CELF2: variants seen among roughly 807,000 people sequenced by gnomAD.
CELF2 encodes the protein CUGBP Elav-like family member 2, also known as CUG triplet repeat RNA-binding protein 2.
A neutral mutation model predicts 62.6 loss-of-function variants in CELF2; 8 were observed. The ratio of observed to expected loss-of-function variants is 0.13; its 90% CI spans 0.07 to 0.23. The LOEUF (loss-of-function observed/expected upper bound fraction) is 0.23. Among genes scored for constraint, CELF2 ranks in the 10% least tolerant of loss-of-function variants. The pLI is 1.00. For synonymous variants in CELF2, 258 were observed against 250.0 expected (o/e 1.03, Z -0.30); for missense variants, 333 against 671.0 (o/e 0.50, Z 5.56).
chr10:11,018,234 C>CG, intron 1 of CELF2, 71 bp downstream of exon 1: 1 of 1,325,966 alleles, frequency 7.5e-7, no homozygotes, highest in Non-Finnish European at 1.0e-6. Flanking sequence ...GCGAAGGGGA[C>CG]GGGCGTCGCC....
At chr10:10,766,598 T>G in the CELF2 span, among the ~76,000 whole-genome samples, 2 of 152,170 alleles carry the variant, frequency 1.3e-5, no homozygotes, top group Non-Finnish European at 1.5e-5. Flanking sequence ...GGTTAGGTAC[T>G]CAGCAGCAGC....
intron 1 of CELF2, among the ~76,000 whole-genome samples, chr10:10,805,673 T>C (rs1370393007): frequency 6.6e-6 from 1 of 152,030 alleles, no homozygotes; most frequent in Non-Finnish European, 1.5e-5. Flanking sequence ...TTTGTTGAGT[T>C]TGTAAGTTTT....
intron 1 of CELF2, among the ~76,000 whole-genome samples, chr10:10,916,530 T>C (rs547468434): frequency 6.6e-6 from 1 of 152,362 alleles, no homozygotes; most frequent in African/African-American, 2.4e-5. Flanking sequence ...ACCTTTGTCT[T>C]TGAATGTGTG....
the CELF2 span, among the ~76,000 whole-genome samples, chr10:10,710,637 G>A: frequency 1.3e-5 from 2 of 151,702 alleles, no homozygotes; most frequent in South Asian, 4.2e-4. Flanking sequence ...TTTTCTCACT[G>A]TTGTTTCTCT....
In CELF2 at chr10:10,979,272, A is replaced by G. The variant is rs373164184; in HGVS notation, c.89+59273A>G. On this transcript the variant is annotated intron_variant, in intron 2 of 13. Transcript: ENST00000636488. ...CTAACCACACAGCTGGGAGGCCACA[A>G]GAGTCACTGATTGGCAAACCTCAGA... 4.6e-5 allele frequency among the ~76,000 whole-genome samples: 7 copies of G among 152,336 alleles called. No homozygotes were observed. In the East Asian group the frequency reaches 5.8e-4, roughly 13 times the overall value.
intron 2 of CELF2, among the ~76,000 whole-genome samples, chr10:11,203,754 C>T (rs2059802426): frequency 6.6e-6 from 1 of 152,196 alleles, no homozygotes; most frequent in African/African-American, 2.4e-5. Flanking sequence ...CACTTTCTTC[C>T]CAGCCATCCC....
chr10:10,556,035 A>AT, the CELF2 span, among the ~76,000 whole-genome samples: 9 of 151,738 alleles, frequency 5.9e-5, no homozygotes, highest in African/African-American at 1.9e-4. Flanking sequence ...ACATTTTAAA[A>AT]TTTTTTTTTA....
At chr10:10,547,445 C>T in the CELF2 span, among the ~76,000 whole-genome samples, 2 of 152,112 alleles carry the variant, frequency 1.3e-5, no homozygotes, top group East Asian at 1.9e-4. Context: ...GCCTCTCAAA[C>T]GGATAGCACA....
intron 2 of CELF2, among the ~76,000 whole-genome samples, chr10:11,195,160 A>G (rs1437942581): frequency 6.6e-6 from 1 of 152,176 alleles, no homozygotes; most frequent in South Asian, 2.1e-4. Flanking sequence ...TCTAGGTGTG[A>G]TAATATTTCT....
At chr10:11,065,375 G>T (rs2067820574) in intron 1 of CELF2, among the ~76,000 whole-genome samples, 1 of 152,174 alleles carries the variant, frequency 6.6e-6, no homozygotes, top group Admixed American at 6.5e-5. Context: ...TTCTTGAACT[G>T]CTAAAGGGAA....
chr10:11,202,034 G>A (rs1314926099), intron 2 of CELF2, among the ~76,000 whole-genome samples: 2 of 152,068 alleles, frequency 1.3e-5, no homozygotes, highest in Non-Finnish European at 1.5e-5. Flanking sequence ...ACAAGATCAT[G>A]ACTGTACCAT....
the CELF2 span, among the ~76,000 whole-genome samples, chr10:10,530,543 G>A: frequency 3.9e-5 from 6 of 152,066 alleles, no homozygotes; most frequent in East Asian, 1.9e-4. Flanking sequence ...ATTTTTGTAG[G>A]CCTCACCCAA....
intron 1 of CELF2, among the ~76,000 whole-genome samples, chr10:10,818,499 A>G (rs1429439772): frequency 6.6e-6 from 1 of 152,094 alleles, no homozygotes; most frequent in Non-Finnish European, 1.5e-5. Context: ...TCTGGGGGCC[A>G]AAGCTCTCAG....
At chr10:11,126,667 G>A (rs1263459757) in intron 1 of CELF2, among the ~76,000 whole-genome samples, 1 of 152,118 alleles carries the variant, frequency 6.6e-6, no homozygotes, top group Non-Finnish European at 1.5e-5. Flanking sequence ...ATGTATTCGA[G>A]AATATAGAAT....
chr10:11,079,626 T>C (rs1293319437), intron 1 of CELF2, among the ~76,000 whole-genome samples: 1 of 152,180 alleles, frequency 6.6e-6, no homozygotes, highest in Non-Finnish European at 1.5e-5. Context: ...TCCGCCATGA[T>C]TGTAAGTTTC....
At position 11,242,980 on chromosome 10, in the gene CELF2, G is replaced by A. The variant is rs966134764; in HGVS notation, c.355-6173G>A. 2.0e-5 allele frequency among the ~76,000 whole-genome samples: 3 copies of A among 152,164 alleles called. No individual in the cohort carries two copies. The highest frequency in any genetic ancestry group is 1.9e-4 in the East Asian group (1 of 5,180). ...CAGAACCAAACCACTGCGTGCTGTC[G>A]TGGGTGCAGAAGCTTAGCTTTGGGG... On this transcript the variant is annotated intron_variant, in intron 3 of 12. Transcript: ENST00000633077. The surrounding 1 kb of genome is among the most constrained non-coding windows in gnomAD (Gnocchi z 4.8).
chr10:10,927,346 T>TAAAAAAAAAA (rs34283995), intron 2 of CELF2: 49 of 85,812 alleles, frequency 5.7e-4, no homozygotes, highest in African/African-American at 2.6e-3. Flanking sequence ...CTAGTGACAT[T>TAAAAAAAAAA]AAAAAAAAAA....
intron 1 of CELF2, among the ~76,000 whole-genome samples, chr10:11,102,844 A>T (rs1398019569): frequency 1.3e-5 from 2 of 152,100 alleles, no homozygotes; most frequent in Non-Finnish European, 2.9e-5. Context: ...CCCACAGCTC[A>T]TGAAACCCTC....
At chr10:10,586,527 T>C in the CELF2 span, among the ~76,000 whole-genome samples, 3,970 of 152,278 alleles carry the variant, frequency 0.026, 162 homozygotes, top group African/African-American at 0.091. Context: ...TGAAAAAGTG[T>C]GTCATTTTCC....
Sources: allele counts gnomAD v4.1 joint callset (sites outside exome capture counted in the v4.1 genomes callset), GRCh38; gene constraint gnomAD v4.1.1; non-coding constraint Gnocchi (gnomAD v3.1); transcripts MANE v1.5; gene names NCBI Gene and HGNC (gene_info 2026-07-23, HGNC 2026-07-21).